ZFYVE28: variants seen among roughly 807,000 people sequenced by gnomAD.
The protein encoded by ZFYVE28 is lateral signaling target protein 2 homolog.
In ZFYVE28, 40 loss-of-function variants were observed where a neutral mutation model predicts 82.1. That is an observed-to-expected ratio of 0.49 (90% CI 0.38 to 0.63). The LOEUF (loss-of-function observed/expected upper bound fraction) is 0.63. Ranked by LOEUF, ZFYVE28 falls within the 30% of genes least tolerant of loss-of-function variation. The pLI is 0.00. For synonymous variants in ZFYVE28, 612 were observed against 546.1 expected (o/e 1.12, Z -1.68); for missense variants, 1,321 against 1,242.1 (o/e 1.06, Z -0.96).
At chr4:2,312,946 G>T (rs73203389) in intron 7 of ZFYVE28, among the ~76,000 whole-genome samples, 1 of 151,860 alleles carries the variant, frequency 6.6e-6, no homozygotes, top group African/African-American at 2.4e-5. Flanking sequence ...TCAGGAGGCT[G>T]AGGCACGAGA....
chr4:2,285,441 G>A (rs1242844893), intron 8 of ZFYVE28: 1 of 152,282 alleles, frequency 6.6e-6, no homozygotes, highest in Non-Finnish European at 1.5e-5. Context: ...CCTTTGCACT[G>A]GTGTCAGCCC....
chr4:2,350,752 A>G (rs1724306913), intron 2 of ZFYVE28, among the ~76,000 whole-genome samples: 1 of 152,200 alleles, frequency 6.6e-6, no homozygotes, highest in African/African-American at 2.4e-5. Flanking sequence ...TATATAATCA[A>G]TCATGGCTCT....
intron 7 of ZFYVE28, among the ~76,000 whole-genome samples, chr4:2,312,386 A>T (rs1460422840): frequency 6.6e-6 from 1 of 152,186 alleles, no homozygotes; most frequent in Non-Finnish European, 1.5e-5. Flanking sequence ...ACAAAAGAAA[A>T]AAAAAGAAAA....
intron 1 of ZFYVE28, among the ~76,000 whole-genome samples, chr4:2,368,928 C>A (rs1727201381): frequency 6.6e-6 from 1 of 152,224 alleles, no homozygotes; most frequent in Non-Finnish European, 1.5e-5. Flanking sequence ...AATCATAGAG[C>A]AGCAGTTGGT....
intron 1 of ZFYVE28, chr4:2,364,485 C>T: frequency 1.0e-6 from 1 of 985,514 alleles, no homozygotes; most frequent in Non-Finnish European, 1.2e-6. Flanking sequence ...AAGTACTTTA[C>T]CCAGAGGGTG....
At chr4:2,273,993 C>G (rs1736160623) in intron 9 of ZFYVE28, 69 bp downstream of exon 9, 1 of 1,564,520 alleles carries the variant, frequency 6.4e-7, no homozygotes. Flanking sequence ...CACGCCCCGC[C>G]TGACCTCCCC....
intron 7 of ZFYVE28, among the ~76,000 whole-genome samples, chr4:2,310,537 C>T (rs1717330593): frequency 6.6e-6 from 1 of 152,140 alleles, no homozygotes; most frequent in Non-Finnish European, 1.5e-5. Flanking sequence ...GGTATGGTGG[C>T]TCATGCCTGT....
intron 1 of ZFYVE28, among the ~76,000 whole-genome samples, chr4:2,415,802 G>A (rs1732976393): frequency 6.6e-6 from 1 of 152,164 alleles, no homozygotes; most frequent in Non-Finnish European, 1.5e-5. Flanking sequence ...AAAAGCTATG[G>A]AGTGACATAA....
At position 2,296,602 on chromosome 4, in the gene ZFYVE28, C is replaced by T. The variant is rs139491509; in HGVS notation, c.2051+7687G>A. ...GGTCTCGGTGTTCCCTGCAGGACCTCGGGACACCTGCTTTAGGGACCAATG... is the reference window on the plus strand; with the variant it reads ...GGTCTCGGTGTTCCCTGCAGGACCTTGGGACACCTGCTTTAGGGACCAATG... On this transcript the variant is annotated intron_variant, in intron 8 of 12. Coordinates refer to ENST00000290974, the MANE Select transcript of ZFYVE28 (RefSeq NM_020972.3). Among the ~76,000 whole-genome samples, 210 of 150,918 alleles carry T rather than the reference C, an allele frequency of 1.4e-3. 1 individual carries two copies. The highest frequency in any genetic ancestry group is 6.8e-3 in the Middle Eastern group (2 of 294).
intron 1 of ZFYVE28, among the ~76,000 whole-genome samples, chr4:2,363,426 C>A (rs1164101220): frequency 6.6e-6 from 1 of 152,146 alleles, no homozygotes; most frequent in Non-Finnish European, 1.5e-5. Context: ...CTGGGCTTTG[C>A]TTCTTTCTCC....
rs1217331449 is a variant in ZFYVE28 at position 2,341,694 on chromosome 4, C to T, written c.181-79G>A. On this transcript the variant is annotated intron_variant, in intron 2 of 12. Transcript: ENST00000290974. This position sits in a 1 kb window ranked among gnomAD's most constrained non-coding sequence, Gnocchi z 4.5. ...GCCATGTACTGCTGGAAAACACGCA[C>T]GGTGCATGTGACTGTTTTTTAGGAT... 5 of 1,551,354 alleles carry T rather than the reference C, an allele frequency of 3.2e-6. No homozygotes were observed. The highest frequency in any genetic ancestry group is 1.7e-5 in the Admixed American group (1 of 57,552).
Position 2,337,445 on chromosome 4 carries a change from C to A in ZFYVE28, c.573G>T (p.Gln191His). The A allele has an allele frequency of 6.2e-7, 1 of 1,610,774 alleles. No individual in the cohort carries two copies. The highest frequency in any genetic ancestry group is 8.5e-7 in the Non-Finnish European group (1 of 1,178,324). ...CGCAGAAGAGCACGATGACCTCCTG[C>A]TGCACGTAGTACTCCCTGGGGGACT... is the stretch of plus-strand genomic sequence containing the variant. ...PVKSPREYYV[Q>H]QEVIVLFCET... The change falls in exon 5 of 13, where the codon CAG becomes CAT. Residue 191 changes from glutamine to histidine, a missense_variant. Transcript: ENST00000290974.
intron 1 of ZFYVE28, among the ~76,000 whole-genome samples, chr4:2,381,380 C>T (rs1024202991): frequency 6.6e-6 from 1 of 152,112 alleles, no homozygotes; most frequent in Non-Finnish European, 1.5e-5. Flanking sequence ...CATAAAAATT[C>T]GGAAAATTTG....
At chr4:2,324,184 G>A (rs1027186124) in intron 6 of ZFYVE28, among the ~76,000 whole-genome samples, 5 of 152,118 alleles carry the variant, frequency 3.3e-5, no homozygotes, top group Non-Finnish European at 5.9e-5. Context: ...GAGTTGACAC[G>A]GCAGCTCCAA....
intron 7 of ZFYVE28, among the ~76,000 whole-genome samples, chr4:2,308,659 A>AAGAAAGAAAGAAAGAG (rs1560182184): frequency 1.6e-5 from 2 of 127,238 alleles, no homozygotes; most frequent in East Asian, 4.1e-4. Context: ...GAAAGAAAGA[A>AAGAAAGAAAGAAAGAG]AGAAAGAAAG....
chr4:2,407,229 T>G (rs1255199116), intron 1 of ZFYVE28, among the ~76,000 whole-genome samples: 2 of 152,168 alleles, frequency 1.3e-5, no homozygotes, highest in Non-Finnish European at 2.9e-5. Flanking sequence ...GTTACTTTTT[T>G]GTCTTCGTCT....
chr4:2,357,520 G>T (rs920492947), intron 1 of ZFYVE28, among the ~76,000 whole-genome samples: 2 of 152,188 alleles, frequency 1.3e-5, no homozygotes, highest in African/African-American at 4.8e-5. Flanking sequence ...GGTCAGCAGA[G>T]CCACCAGCTC....
intron 7 of ZFYVE28, among the ~76,000 whole-genome samples, chr4:2,314,029 C>T (rs1717870460): frequency 6.6e-6 from 1 of 152,080 alleles, no homozygotes; most frequent in African/African-American, 2.4e-5. Flanking sequence ...TTGGATTTGT[C>T]TATTCCACCT....
rs866069128 is a variant in ZFYVE28 at position 2,370,410 on chromosome 4, T to C, written c.40-16337A>G. On this transcript the variant is annotated intron_variant, in intron 1 of 12. Coordinates refer to ENST00000290974, the MANE Select transcript of ZFYVE28 (RefSeq NM_020972.3). ...AGAGCTGGCCGAGCTGCCCAGCCCA[T>C]GGATGGGGTGCCCTGGGCCCACACC... 2.0e-5 allele frequency among the ~76,000 whole-genome samples: 3 copies of C among 152,260 alleles called. No individual in the cohort carries two copies. In the South Asian group the frequency reaches 6.2e-4, roughly 32 times the overall value.
Sources: gnomAD v4.1 joint callset for allele counts (sites outside exome capture counted in the v4.1 genomes callset) on GRCh38, gnomAD v4.1.1 for gene constraint, Gnocchi (gnomAD v3.1) non-coding constraint, MANE v1.5 for transcripts, NCBI Gene and HGNC (gene_info 2026-07-23, HGNC 2026-07-21) for gene names.